Variants in ELL2 observed in about 807,000 individuals in gnomAD.
ELL2 encodes the protein elongation factor for RNA polymerase II 2.
Under a neutral mutation model 72.8 loss-of-function variants are expected in ELL2, and 21 were observed. The observed-to-expected ratio is 0.29, with a 90% CI of 0.20 to 0.42. The LOEUF is 0.42. Among genes scored for constraint, ELL2 ranks in the 10% least tolerant of loss-of-function variants. ELL2 has a pLI of 1.00. For missense variants in ELL2, 568 were observed against 772.8 expected (o/e 0.73, Z 3.14); for synonymous variants, 266 against 283.2 (o/e 0.94, Z 0.61).
At chr5:95,906,402 A>C in intron 5 of ELL2, 121 bp downstream of exon 5, 1 of 1,103,700 alleles carries the variant, frequency 9.1e-7, no homozygotes, top group Non-Finnish European at 1.3e-6. Flanking sequence ...CATACCACTG[A>C]TCAAAATAAT....
chr5:95,945,356 A>G (rs574867191), intron 1 of ELL2, among the ~76,000 whole-genome samples: 63 of 152,178 alleles, frequency 4.1e-4, no homozygotes, highest in Non-Finnish European at 7.3e-4. Context: ...TACATACTAC[A>G]TGCCACTAGA....
intron 9 of ELL2, among the ~76,000 whole-genome samples, chr5:95,892,569 T>C (rs1338015433): frequency 6.6e-6 from 1 of 152,164 alleles, no homozygotes; most frequent in Non-Finnish European, 1.5e-5. Flanking sequence ...GTTTTTGAAA[T>C]AAAAATTGAG....
intron 4 of ELL2, among the ~76,000 whole-genome samples, chr5:95,907,859 T>C (rs1269849819): frequency 6.6e-6 from 1 of 152,192 alleles, no homozygotes; most frequent in African/African-American, 2.4e-5. Context: ...GCAGCTCCTA[T>C]AAGCTGTGGT....
At chr5:95,905,282 T>G (rs1409403245) in intron 5 of ELL2, among the ~76,000 whole-genome samples, 1 of 152,104 alleles carries the variant, frequency 6.6e-6, no homozygotes, top group African/African-American at 2.4e-5. Flanking sequence ...TAGATATCTA[T>G]ATGTATATAC....
In ELL2 at chr5:95,898,501, A is replaced by G. The variant is rs774400321; in HGVS notation, c.1264T>C (p.Tyr422His). 2 of 1,614,100 alleles carry G rather than the reference A, an allele frequency of 1.2e-6. No individual in the cohort carries two copies. Among genetic ancestry groups the G allele is most frequent in the South Asian group, 1.1e-5 (1 of 91,074 alleles). Reference sequence around the variant, plus strand: ...GTATATTTGTCTTGCTGGTCCTCATAGATACTATCGTTTTGACTAAAACTG... The same window carrying G: ...GTATATTTGTCTTGCTGGTCCTCATGGATACTATCGTTTTGACTAAAACTG... ...VDSFSQNDSI[Y>H]EDQQDKYTSR... Residue 422 changes from tyrosine (Y) to histidine (H), a missense_variant, in exon 8 of 12, where the codon TAT (tyrosine) becomes CAT (histidine). Around this residue, in one of 2 missense-constraint regions of ELL2, gnomAD observed 511 missense variants for 728.4 expected, o/e 0.70. Coordinates refer to ENST00000237853, the MANE Select transcript of ELL2 (RefSeq NM_012081.6).
At chr5:95,903,624 C>T (rs1749231649) in intron 5 of ELL2, among the ~76,000 whole-genome samples, 1 of 152,104 alleles carries the variant, frequency 6.6e-6, no homozygotes, top group South Asian at 2.1e-4. Context: ...TTTCCTCATT[C>T]TGTTCATTTC....
At chr5:95,953,969 G>A (rs947383844) in intron 1 of ELL2, among the ~76,000 whole-genome samples, 2 of 152,030 alleles carry the variant, frequency 1.3e-5, no homozygotes, top group African/African-American at 2.4e-5. Flanking sequence ...ATTTATAGAC[G>A]TTATTCAATA....
chr5:95,960,755 G>T (rs1751806201), intron 1 of ELL2, among the ~76,000 whole-genome samples: 1 of 152,120 alleles, frequency 6.6e-6, no homozygotes, highest in African/African-American at 2.4e-5. Flanking sequence ...AAGTGTGCGT[G>T]AGTCCTCAGG....
intron 4 of ELL2, chr5:95,913,341 TACA>T (rs1242067065): frequency 1.3e-5 from 2 of 153,024 alleles, no homozygotes; most frequent in Non-Finnish European, 2.9e-5. Flanking sequence ...AAGCAAAATC[TACA>T]ACAATGAGAT....
Position 95,961,600 on chromosome 5 carries a change from G to A in ELL2, c.122C>T (p.Ala41Val). 1 of 1,604,514 alleles carries A rather than the reference G, an allele frequency of 6.2e-7. No homozygotes were observed. The change falls in exon 1 of 12, where the codon GCG becomes GTG. Residue 41 changes from alanine (A) to valine (V), a missense_variant. Around this residue, in one of 2 missense-constraint regions of ELL2, gnomAD observed 511 missense variants for 728.4 expected, o/e 0.70. Transcript: ENST00000237853. ...HVKLTETAIR[A>V]LETYQSHKNL... ...CTTGTGGCTCTGGTAAGTCTCGAGC[G>A]CCCGGATCGCCGTCTCGGTGAGCTT... is the stretch of plus-strand genomic sequence containing the variant.
intron 2 of ELL2, among the ~76,000 whole-genome samples, chr5:95,931,979 T>G (rs915092208): frequency 2.9e-5 from 2 of 68,864 alleles, no homozygotes; most frequent in African/African-American, 8.6e-5. Flanking sequence ...TGTGGGGGTG[T>G]TTTTTTTTTT....
At chr5:95,927,848 T>TAGACACACACACACACATATGTGTG in intron 2 of ELL2, among the ~76,000 whole-genome samples, 1 of 144,042 alleles carries the variant, frequency 6.9e-6, no homozygotes, top group South Asian at 2.3e-4. Context: ...TGTGTGTATA[T>TAGACACACACACACACATATGTGTG]TTTACTTTGA....
intron 4 of ELL2, among the ~76,000 whole-genome samples, chr5:95,912,033 A>G (rs1283637756): frequency 6.6e-6 from 1 of 152,222 alleles, no homozygotes; most frequent in African/African-American, 2.4e-5. Context: ...GATAACCTCA[A>G]ATTTCCTGTG....
chr5:95,898,207 C>T (rs779615458), intron 8 of ELL2, 33 bp downstream of exon 8: 6 of 1,501,406 alleles, frequency 4.0e-6, no homozygotes, highest in Non-Finnish European at 5.4e-6. Flanking sequence ...CTCATGATAG[C>T]ATGCACTTCT....
At chr5:95,943,812 T>C (rs1325214226) in intron 1 of ELL2, among the ~76,000 whole-genome samples, 1 of 152,214 alleles carries the variant, frequency 6.6e-6, no homozygotes, top group Non-Finnish European at 1.5e-5. Flanking sequence ...TTCAATATTT[T>C]ATCATAGAGT....
At chr5:95,906,294 G>C (rs955821752) in intron 5 of ELL2, among the ~76,000 whole-genome samples, 5 of 152,128 alleles carry the variant, frequency 3.3e-5, no homozygotes, top group Admixed American at 2.6e-4. Flanking sequence ...AACAAAATTT[G>C]TTGGTCCCAA....
chr5:95,892,231 C>T (rs1748692906), intron 9 of ELL2, among the ~76,000 whole-genome samples: 1 of 152,038 alleles, frequency 6.6e-6, no homozygotes, highest in Middle Eastern at 3.4e-3. Flanking sequence ...ACTGCAACCT[C>T]TACCTCCTGG....
At chr5:95,901,573 A>C (rs979613132) in intron 5 of ELL2, among the ~76,000 whole-genome samples, 3 of 152,312 alleles carry the variant, frequency 2.0e-5, no homozygotes, top group African/African-American at 4.8e-5. Flanking sequence ...AATAACTACT[A>C]ATAAAATAGA....
At chr5:95,913,703 T>C (rs1344083422) in intron 4 of ELL2, 68 bp downstream of exon 4, 12 of 1,416,152 alleles carry the variant, frequency 8.5e-6, no homozygotes, top group Non-Finnish European at 1.1e-5. Flanking sequence ...ATATTACTGG[T>C]ATTTACCTAT....
Sources: gnomAD v4.1 joint callset for allele counts (sites outside exome capture counted in the v4.1 genomes callset) on GRCh38, gnomAD v4.1.1 for gene constraint, gnomAD v4.1.1 regional missense constraint, MANE v1.5 for transcripts, NCBI Gene and HGNC (gene_info 2026-07-23, HGNC 2026-07-21) for gene names.